USP36: variants seen among roughly 807,000 people sequenced by gnomAD.
The protein encoded by USP36 is ubiquitin specific peptidase 36.
Under a neutral mutation model 111.5 loss-of-function variants are expected in USP36, and 59 were observed. The ratio of observed to expected loss-of-function variants is 0.53; its 90% confidence interval spans 0.43 to 0.66. The LOEUF is 0.66. Among genes scored for constraint, USP36 ranks in the 30% least tolerant of loss-of-function variants. The pLI, the probability that USP36 is intolerant of heterozygous loss-of-function variation, is 0.00. For synonymous variants in USP36, 628 were observed against 581.0 expected (o/e 1.08, Z -1.16); for missense variants, 1,488 against 1,468.0 (o/e 1.01, Z -0.22).
chr17:78,813,561 A>G (rs2094116982), intron 12 of USP36, among the ~76,000 whole-genome samples: 2 of 152,208 alleles, frequency 1.3e-5, no homozygotes, highest in African/African-American at 4.8e-5. Flanking sequence ...AACAGCATCA[A>G]TGTGAGGGCA....
chr17:78,816,785 T>C (rs2094200210), intron 10 of USP36, among the ~76,000 whole-genome samples: 1 of 152,162 alleles, frequency 6.6e-6, no homozygotes, highest in African/African-American at 2.4e-5. Flanking sequence ...CCTAAATCAT[T>C]TTTTTAAACT....
chr17:78,793,533 C>T (rs896116249), downstream of USP36, among the ~76,000 whole-genome samples: 10 of 152,162 alleles, frequency 6.6e-5, no homozygotes, highest in African/African-American at 2.4e-4. Context: ...AGCAGGGCCA[C>T]CTCCGGGCAA....
intron 13 of USP36, among the ~76,000 whole-genome samples, chr17:78,811,467 T>C (rs2094054129): frequency 6.6e-6 from 1 of 152,212 alleles, no homozygotes; most frequent in African/African-American, 2.4e-5. Flanking sequence ...CCCCAAAATA[T>C]GTCCATGTGT....
At chr17:78,821,434 TTTTTTTTTTTTG>T (rs2145413509) in intron 7 of USP36, 1 of 116,356 alleles carries the variant, frequency 8.6e-6, no homozygotes, top group South Asian at 2.8e-4. Flanking sequence ...TTTTTTTTTT[TTTTTTTTTTTTG>T]AGATAGAGTC....
chr17:78,833,697 G>A (rs767872502), intron 4 of USP36, among the ~76,000 whole-genome samples: 23 of 152,128 alleles, frequency 1.5e-4, no homozygotes, highest in Non-Finnish European at 2.1e-4. Flanking sequence ...GATTTTCTGC[G>A]ATGAAAACAT....
chr17:78,806,354 CA>C, intron 14 of USP36, 68 bp from the exon 15 acceptor site: 2 of 1,558,168 alleles, frequency 1.3e-6, no homozygotes, highest in African/African-American at 2.8e-5. Flanking sequence ...AGAGGGAAAA[CA>C]AAAGTAACAA....
At position 78,798,807 on chromosome 17, in the gene USP36, G is replaced by C; in HGVS notation, c.3240+101C>G. ...GGGCAGCCTGGCTCTTCTCATGCTC[G>C]GCCGCTTCATGCCACTGCCGCCACC... On this transcript the variant is annotated intron_variant, in intron 19 of 20. Transcript: ENST00000449938. The surrounding 1 kb of genome is among the most constrained non-coding windows in gnomAD (Gnocchi z 5.1). The C allele has an allele frequency of 3.5e-6, 5 of 1,429,698 alleles. No individual in the cohort carries two copies. Among genetic ancestry groups the C allele is most frequent in the Non-Finnish European group, 4.9e-6 (5 of 1,030,286 alleles). The allele number at this position is 1,429,698 out of a possible 1,614,324, so 88.6% of individuals were successfully genotyped here.
chr17:78,791,916 G>A (rs898834970), downstream of USP36: 4 of 152,420 alleles, frequency 2.6e-5, no homozygotes, highest in East Asian at 3.9e-4. Context: ...ACCTCTTTCA[G>A]TGTCTACAGT....
At chr17:78,840,570 G>C (rs1599130832) in intron 1 of USP36, 166 bp downstream of exon 1, 1 of 152,362 alleles carries the variant, frequency 6.6e-6, no homozygotes, top group East Asian at 1.9e-4. Flanking sequence ...GAGCATCCCG[G>C]GTCCTCCTCG....
At chr17:78,813,128 A>T (rs1386283294) in intron 12 of USP36, 127 bp from the exon 13 acceptor site, 1 of 1,191,528 alleles carries the variant, frequency 8.4e-7, no homozygotes, top group Admixed American at 2.4e-5. Flanking sequence ...AGTCCTAACC[A>T]CTTCTCTGGA....
At chr17:78,829,594 G>A (rs149154662) in intron 4 of USP36, among the ~76,000 whole-genome samples, 61 of 152,318 alleles carry the variant, frequency 4.0e-4, no homozygotes, top group African/African-American at 1.3e-3. Context: ...CTATGCTCCT[G>A]TATTGTAGAG....
rs2093778566 is a variant in USP36, at chr17:78,802,496, T to A, written c.2850A>T (p.Glu950Asp). The change falls in exon 17 of 21, where the codon GAA becomes GAT. Residue 950 changes from glutamate (E) to aspartate (D), a missense_variant. This residue lies in a region of USP36 where 1,073 missense variants were observed against 994.1 expected (regional missense o/e 1.08). Transcript: ENST00000449938. ...PMGDGDPEAMEESPRKKKKKK... is the reference protein window; with the variant it reads ...PMGDGDPEAMDESPRKKKKKK... Reference sequence around the variant, plus strand: ...TCTTTTTCTTTTTCCTTGGAGACTCTTCCATGGCCTCTGGATCACCATCAC... The same window carrying A: ...TCTTTTTCTTTTTCCTTGGAGACTCATCCATGGCCTCTGGATCACCATCAC... 2 of 1,608,594 alleles carry A rather than the reference T, an allele frequency of 1.2e-6. No individual in the cohort carries two copies. Among genetic ancestry groups the A allele is most frequent in the East Asian group, 4.5e-5 (2 of 44,870 alleles).
chr17:78,820,639 C>T lies in USP36; in HGVS notation c.828+352G>A, dbSNP rs545009307. Among the ~76,000 whole-genome samples, 39 of 152,284 alleles carry T rather than the reference C, an allele frequency of 2.6e-4. No homozygotes were observed. In the East Asian group the frequency reaches 7.1e-3, roughly 28 times the overall value. On this transcript the variant is annotated intron_variant, in intron 8 of 20. Transcript: ENST00000449938. ...GCTGCAGCAGGATGTGCGACAAAGC[C>T]AAGGCTGCTCTCCCAGGTGAGGCCC...
intron 13 of USP36, 98 bp from the exon 14 acceptor site, chr17:78,807,734 G>T (rs1171380903): frequency 2.5e-6 from 3 of 1,205,858 alleles, no homozygotes; most frequent in Non-Finnish European, 3.4e-6. Flanking sequence ...AGCAGGCATG[G>T]CCTCTGATTA....
rs139238049 is a variant in USP36, at chr17:78,812,284, G to C, written c.1407+576C>G. 3.3e-3 allele frequency among the ~76,000 whole-genome samples: 501 copies of C among 152,268 alleles called. 1 individual carries two copies. The highest frequency in any genetic ancestry group is 0.011 in the African/African-American group (461 of 41,536). The stretch of plus-strand genomic sequence containing the variant: ...TGTCACGACACCTGTAAGTGGTGCT[G>C]GTCTCATGAGTAGAACAGATCTGTG... On this transcript the variant is annotated intron_variant, in intron 13 of 20. Transcript: ENST00000449938.
chr17:78,804,298 CT>C (rs1191675990), intron 15 of USP36, among the ~76,000 whole-genome samples: 2 of 151,938 alleles, frequency 1.3e-5, no homozygotes, highest in African/African-American at 4.8e-5. Flanking sequence ...CCCATCTCTA[CT>C]AAAAATACAA....
At position 78,814,645 on chromosome 17, in the gene USP36, G is replaced by C. The variant is rs1017205240; in HGVS notation, c.1024-93C>G. ...CATCCACAACCACACAAAATGCCCA[G>C]CTTGTCTGGTCTTTAACAATTTGGG... is the stretch of plus-strand genomic sequence containing the variant. On this transcript the variant is annotated intron_variant, in intron 10 of 20. Transcript: ENST00000449938. The C allele has an allele frequency of 5.4e-6, 8 of 1,470,276 alleles. No individual in the cohort carries two copies. In the African/African-American group the frequency reaches 1.1e-4, roughly 21 times the overall value. The allele number at this position is 1,470,276 out of a possible 1,614,324, so 91.1% of individuals were successfully genotyped here. A position where few individuals can be genotyped will look rare whatever the true frequency, so the allele number is the denominator to read the frequency against.
intron 13 of USP36, among the ~76,000 whole-genome samples, chr17:78,809,542 G>A (rs117685712): frequency 6.6e-6 from 1 of 152,236 alleles, no homozygotes; most frequent in Non-Finnish European, 1.5e-5. Context: ...CCCTGCAGGT[G>A]TGCCTGACAC....
intron 7 of USP36, 24 bp downstream of exon 7, chr17:78,821,903 GGCAAGAAGCA>G: frequency 8.7e-6 from 14 of 1,611,468 alleles, no homozygotes; most frequent in Non-Finnish European, 1.2e-5. Flanking sequence ...TTCTAATCCT[GGCAAGAAGCA>G]GTAGAACAAA....
Sources: allele counts gnomAD v4.1 joint callset (sites outside exome capture counted in the v4.1 genomes callset), GRCh38; gene constraint gnomAD v4.1.1; regional missense constraint gnomAD v4.1.1; non-coding constraint Gnocchi (gnomAD v3.1); transcripts MANE v1.5; gene names NCBI Gene and HGNC (gene_info 2026-07-23, HGNC 2026-07-21).